CLSTN2: variants seen among roughly 807,000 people sequenced by gnomAD.
CLSTN2 encodes the protein calsyntenin 2, also known as calsyntenin-2.
A neutral mutation model predicts 101.2 loss-of-function variants in CLSTN2; 48 were observed. The observed-to-expected ratio is 0.47, with a 90% CI of 0.38 to 0.60. The LOEUF (loss-of-function observed/expected upper bound fraction) is 0.60. Among genes scored for constraint, CLSTN2 ranks in the 20% least tolerant of loss-of-function variants. CLSTN2 has a pLI of 0.00. For synonymous variants in CLSTN2, 481 were observed against 463.6 expected, an observed-to-expected ratio of 1.04 and a Z score of -0.48; for missense variants, 1,160 against 1,238.2, an observed-to-expected ratio of 0.94 and a Z score of 0.95.
intron 1 of CLSTN2, among the ~76,000 whole-genome samples, chr3:140,116,786 G>A (rs1169994007): frequency 6.6e-6 from 1 of 152,144 alleles, no homozygotes; most frequent in Admixed American, 6.5e-5. Flanking sequence ...AAGAGAGCCT[G>A]AGTTGGTATG....
chr3:140,356,564 C>A (rs1477798243), intron 2 of CLSTN2, among the ~76,000 whole-genome samples: 1 of 151,948 alleles, frequency 6.6e-6, no homozygotes, highest in Non-Finnish European at 1.5e-5. Context: ...TCGAGAACAG[C>A]CTGACCAACA....
chr3:140,542,061 A>G (rs571314940), intron 9 of CLSTN2, among the ~76,000 whole-genome samples: 2 of 152,306 alleles, frequency 1.3e-5, no homozygotes, highest in Non-Finnish European at 2.9e-5. Context: ...CTGTCCCTCC[A>G]CTTAAGGATT....
chr3:139,993,462 T>C (rs1936150445), intron 1 of CLSTN2, among the ~76,000 whole-genome samples: 1 of 151,958 alleles, frequency 6.6e-6, no homozygotes, highest in South Asian at 2.1e-4. Context: ...AGAGGAGGGG[T>C]GAACAATGGC....
At chr3:140,427,240 T>TATATACATATATATAC (rs1559866807) in intron 5 of CLSTN2, among the ~76,000 whole-genome samples, 16 of 123,164 alleles carry the variant, frequency 1.3e-4, no homozygotes, top group East Asian at 2.6e-4. Context: ...TATATATATA[T>TATATACATATATATAC]ATATACATAT....
intron 8 of CLSTN2, among the ~76,000 whole-genome samples, chr3:140,497,626 G>A (rs1329438531): frequency 6.6e-6 from 1 of 152,166 alleles, no homozygotes; most frequent in Non-Finnish European, 1.5e-5. Flanking sequence ...CATGGAAGTG[G>A]GGTCCACAGA....
At chr3:140,366,879 G>A (rs759946002) in intron 2 of CLSTN2, among the ~76,000 whole-genome samples, 3 of 152,238 alleles carry the variant, frequency 2.0e-5, no homozygotes, top group Non-Finnish European at 2.9e-5. Context: ...TGGGCGTTGT[G>A]AATGACAAGG....
intron 5 of CLSTN2, among the ~76,000 whole-genome samples, chr3:140,424,750 A>G (rs2088545994): frequency 6.6e-6 from 1 of 152,192 alleles, no homozygotes; most frequent in Non-Finnish European, 1.5e-5. Flanking sequence ...GCACTTTGTA[A>G]ATGGACAAGG....
Position 140,262,283 on chromosome 3 carries a change from C to T in CLSTN2, c.232+86210C>T, listed in dbSNP as rs923268927. On this transcript the variant is annotated intron_variant, in intron 2 of 16. Coordinates refer to ENST00000458420, the MANE Select transcript of CLSTN2 (RefSeq NM_022131.3). ...CATGTGAGTGGTGAAGCTGGCCTTC[C>T]AGAGGAATGAAGACATTGTTCCACC... 6.6e-5 allele frequency among the ~76,000 whole-genome samples: 10 copies of T among 152,152 alleles called. 1 individual carries two copies. Among genetic ancestry groups the T allele is most frequent in the African/African-American group, 2.2e-4 (9 of 41,438 alleles).
intron 4 of CLSTN2, among the ~76,000 whole-genome samples, chr3:140,409,627 GA>G (rs1412978031): frequency 1.3e-5 from 2 of 152,086 alleles, no homozygotes; most frequent in African/African-American, 4.8e-5. Flanking sequence ...TCTTACACAA[GA>G]CTACAAGTAT....
chr3:140,533,710 CAAAAAAAAAAAAA>C (rs71627883), intron 9 of CLSTN2, among the ~76,000 whole-genome samples: 153 of 58,892 alleles, frequency 2.6e-3, no homozygotes, highest in Middle Eastern at 0.012. Context: ...GACTCCATCT[CAAAAAAAAAAAAA>C]AAAAAAAAAG....
chr3:140,446,500 G>A (rs1933081759), intron 5 of CLSTN2, among the ~76,000 whole-genome samples: 1 of 152,140 alleles, frequency 6.6e-6, no homozygotes, highest in South Asian at 2.1e-4. Flanking sequence ...ATGTATCAAA[G>A]TTGTGATGCA....
intron 1 of CLSTN2, among the ~76,000 whole-genome samples, chr3:139,954,336 G>A (rs1014757830): frequency 6.6e-5 from 10 of 152,170 alleles, no homozygotes; most frequent in African/African-American, 1.4e-4. Flanking sequence ...AACTCTCAGC[G>A]CTTGTGTGCA....
At chr3:140,533,766 G>C (rs1188079915) in intron 9 of CLSTN2, among the ~76,000 whole-genome samples, 1 of 150,868 alleles carries the variant, frequency 6.6e-6, no homozygotes, top group East Asian at 1.9e-4. Context: ...TGACCCATGA[G>C]TGAACTAGGA....
chr3:139,995,671 G>T (rs1936190681), intron 1 of CLSTN2, among the ~76,000 whole-genome samples: 1 of 152,116 alleles, frequency 6.6e-6, no homozygotes, highest in African/African-American at 2.4e-5. Context: ...GTTGAGGTCT[G>T]CCATGCCCAT....
At chr3:140,501,399 G>A (rs1457772119) in intron 8 of CLSTN2, among the ~76,000 whole-genome samples, 1 of 151,048 alleles carries the variant, frequency 6.6e-6, no homozygotes, top group Admixed American at 6.6e-5. Flanking sequence ...TAGCCTGAAG[G>A]CTAGATGCAG....
rs1985301154 is a variant in CLSTN2 at position 140,567,273 on chromosome 3, C to G, written c.*1020C>G. 6.6e-6 allele frequency: 1 copy of G among 152,212 alleles called. No homozygotes were observed. Among genetic ancestry groups the G allele is most frequent in the African/African-American group, 2.4e-5 (1 of 41,454 alleles). The allele number at this position is 152,212 out of a possible 1,614,324, so 9.4% of individuals were successfully genotyped here. ...GGTTGGCAAGGCTCTCACCACTCAG[C>G]CTTATGGTCCCTTATCTCCTATCTT... is the stretch of plus-strand genomic sequence containing the variant. On this transcript the variant is annotated 3_prime_UTR_variant, in exon 17 of 17. Transcript: ENST00000458420.
At chr3:140,462,158 A>G (rs924148413) in intron 7 of CLSTN2, among the ~76,000 whole-genome samples, 1 of 152,138 alleles carries the variant, frequency 6.6e-6, no homozygotes, top group African/African-American at 2.4e-5. Flanking sequence ...GCTTCTGTGT[A>G]TATGTAGAAT....
rs1985462840 is a variant in CLSTN2 at position 140,569,672 on chromosome 3, C to G, written c.*3419C>G. On this transcript the variant is annotated 3_prime_UTR_variant, in exon 17 of 17. Transcript: ENST00000458420. Reference sequence around the variant, plus strand: ...TGAAATCTCTTTTCATTGCCGCTTTCTTTTGTTGTTGTTTGTTTTTTGAGC... The same window carrying G: ...TGAAATCTCTTTTCATTGCCGCTTTGTTTTGTTGTTGTTTGTTTTTTGAGC... 1 of 152,152 alleles carries G rather than the reference C, an allele frequency of 6.6e-6. No individual in the cohort carries two copies. Among genetic ancestry groups the G allele is most frequent in the African/African-American group, 2.4e-5 (1 of 41,438 alleles). The allele number at this position is 152,152 out of a possible 1,614,324, so 9.4% of individuals were successfully genotyped here. A position where few individuals can be genotyped will look rare whatever the true frequency, so the allele number is the denominator to read the frequency against.
intron 2 of CLSTN2, among the ~76,000 whole-genome samples, chr3:140,334,015 G>A (rs1229267215): frequency 1.3e-5 from 2 of 152,190 alleles, no homozygotes; most frequent in Non-Finnish European, 2.9e-5. Flanking sequence ...TATGGAAAGA[G>A]CAAGAGAAGA....
Sources: gnomAD v4.1 joint callset for allele counts (sites outside exome capture counted in the v4.1 genomes callset) on GRCh38, gnomAD v4.1.1 for gene constraint, MANE v1.5 for transcripts, NCBI Gene and HGNC (gene_info 2026-07-23, HGNC 2026-07-21) for gene names.